The following TBC1D9 variants were observed in gnomAD, a reference collection of about 807,000 sequenced individuals.
TBC1D9 encodes TBC1 domain family member 9, also known as TBC1 domain family member 9A.
Under a neutral mutation model 132.0 loss-of-function variants are expected in TBC1D9, and 63 were observed. That is an observed-to-expected ratio of 0.48 (90% CI 0.39 to 0.59). The LOEUF is 0.59. TBC1D9 is among the 20% of genes least tolerant of loss of function. TBC1D9 has a pLI of 0.00. For synonymous variants in TBC1D9, 610 were observed against 609.9 expected (o/e 1.00, Z 0.00); for missense variants, 1,261 against 1,592.7 (o/e 0.79, Z 3.54).
intron 1 of TBC1D9, among the ~76,000 whole-genome samples, chr4:140,730,404 C>A (rs1044544923): frequency 6.6e-6 from 1 of 152,122 alleles, no homozygotes; most frequent in African/African-American, 2.4e-5. Flanking sequence ...ATGGATCTGA[C>A]GGCACTGTCT....
At chr4:140,716,532 T>A (rs1453571023) in intron 1 of TBC1D9, among the ~76,000 whole-genome samples, 1 of 152,036 alleles carries the variant, frequency 6.6e-6, no homozygotes, top group African/African-American at 2.4e-5. Flanking sequence ...GAAGAAATCA[T>A]CATTGGCAAT....
intron 2 of TBC1D9, among the ~76,000 whole-genome samples, chr4:140,688,969 CAG>C (rs1288727387): frequency 1.3e-5 from 2 of 152,114 alleles, no homozygotes; most frequent in Admixed American, 6.6e-5. Flanking sequence ...GCGGCAGACA[CAG>C]AGAGAGCCCT....
chr4:140,666,264 G>A (rs1737442316), intron 9 of TBC1D9, among the ~76,000 whole-genome samples: 1 of 152,160 alleles, frequency 6.6e-6, no homozygotes, highest in African/African-American at 2.4e-5. Context: ...AAAGTAGTCT[G>A]GTGGTTGCCT....
At chr4:140,647,607 G>A (rs761980529) in intron 13 of TBC1D9, among the ~76,000 whole-genome samples, 42 of 152,178 alleles carry the variant, frequency 2.8e-4, no homozygotes, top group Non-Finnish European at 8.8e-5. Flanking sequence ...CATTGGCTTT[G>A]TAATCTTTTG....
At chr4:140,721,282 C>T (rs1218767962) in intron 1 of TBC1D9, among the ~76,000 whole-genome samples, 2 of 152,190 alleles carry the variant, frequency 1.3e-5, no homozygotes, top group Admixed American at 6.5e-5. Context: ...AATCAAATAT[C>T]ATCAGTAATA....
chr4:140,685,729 T>C (rs1189866459), intron 3 of TBC1D9, among the ~76,000 whole-genome samples: 1 of 152,200 alleles, frequency 6.6e-6, no homozygotes, highest in African/African-American at 2.4e-5. Flanking sequence ...AAATGTAGTG[T>C]TGTTATTTAA....
At chr4:140,721,826 C>T (rs2111058822) in intron 1 of TBC1D9, among the ~76,000 whole-genome samples, 1 of 152,306 alleles carries the variant, frequency 6.6e-6, no homozygotes, top group African/African-American at 2.4e-5. Context: ...TCTCCTGTGA[C>T]TGAATGCCCG....
At chr4:140,724,110 C>A (rs1738463252) in intron 1 of TBC1D9, among the ~76,000 whole-genome samples, 2 of 152,146 alleles carry the variant, frequency 1.3e-5, no homozygotes, top group Admixed American at 1.3e-4. Context: ...ATTTGAGATA[C>A]TAAATGTCAT....
chr4:140,674,827 T>C (rs924798756), intron 6 of TBC1D9, among the ~76,000 whole-genome samples: 4 of 152,018 alleles, frequency 2.6e-5, no homozygotes, highest in African/African-American at 7.2e-5. Context: ...GCCTCCCAAG[T>C]AGCTAGGACT....
rs914393187 is a variant in TBC1D9, at chr4:140,669,676, G to A, written c.1395C>T (p.Thr465=). The A allele has an allele frequency of 6.2e-7, 1 of 1,613,724 alleles. No homozygotes were observed. Among genetic ancestry groups the A allele is most frequent in the Non-Finnish European group, 8.5e-7 (1 of 1,179,666 alleles). Residue 465 remains threonine (T), a synonymous_variant, in exon 8 of 21, where the codon ACC becomes ACT. Coordinates refer to ENST00000442267, the MANE Select transcript of TBC1D9 (RefSeq NM_015130.3). ...CCTCGGGAGACCGCCGCCGATACAT[G>A]GTCATCAGGGTCTGTGTGGCTGTGG... ...SVPTATQTLM[T]MYRRRSPEEF...
At chr4:140,686,763 G>A (rs1737788275) in intron 2 of TBC1D9, among the ~76,000 whole-genome samples, 2 of 152,108 alleles carry the variant, frequency 1.3e-5, no homozygotes, top group Admixed American at 1.3e-4. Flanking sequence ...TCACTTTTCT[G>A]GACTAGAGTT....
Position 140,744,133 on chromosome 4 carries a change from G to T in TBC1D9, c.130+11783C>A, listed in dbSNP as rs184881801. Among the ~76,000 whole-genome samples, 243 of 152,166 alleles carry T rather than the reference G, an allele frequency of 1.6e-3. 2 individuals carry two copies. Among genetic ancestry groups the T allele is most frequent in the Admixed American group, 0.013 (200 of 15,282 alleles). Reference sequence around the variant, plus strand: ...ATAATAATGGGATGGAGGTGGGGGGGATTCATGGGACAAGCAAGCAAAATC... The same window carrying T: ...ATAATAATGGGATGGAGGTGGGGGGTATTCATGGGACAAGCAAGCAAAATC... On this transcript the variant is annotated intron_variant, in intron 1 of 20. Coordinates refer to ENST00000442267, the MANE Select transcript of TBC1D9 (RefSeq NM_015130.3).
At chr4:140,640,579 G>T (rs1578818714) in intron 13 of TBC1D9, among the ~76,000 whole-genome samples, 1 of 152,222 alleles carries the variant, frequency 6.6e-6, no homozygotes, top group South Asian at 2.1e-4. Context: ...GCAGCTATCT[G>T]TCTAGGAACA....
At chr4:140,642,403 T>A in intron 13 of TBC1D9, 1 of 865,512 alleles carries the variant, frequency 1.2e-6, no homozygotes, top group African/African-American at 1.7e-5. Flanking sequence ...CCGGAGGCCC[T>A]TGGCCAGCAC....
At chr4:140,648,383 T>C (rs758441725) in intron 13 of TBC1D9, among the ~76,000 whole-genome samples, 150 of 148,324 alleles carry the variant, frequency 1.0e-3, no homozygotes, top group Non-Finnish European at 1.5e-3. Context: ...AGTTTTGTTG[T>C]TGTTTTTTTT....
intron 3 of TBC1D9, among the ~76,000 whole-genome samples, chr4:140,684,827 T>C (rs567889525): frequency 1.5e-3 from 225 of 150,582 alleles, no homozygotes; most frequent in Middle Eastern, 6.9e-3. Flanking sequence ...TGAAACTCTG[T>C]CTCAATAAAT....
At chr4:140,671,702 G>GTGTGTGTGTGTGTGTGTA (rs1737538949) in intron 6 of TBC1D9, among the ~76,000 whole-genome samples, 1 of 151,650 alleles carries the variant, frequency 6.6e-6, no homozygotes, top group African/African-American at 2.4e-5. Context: ...GTGTGTGTGT[G>GTGTGTGTGTGTGTGTGTA]TGTGTGTGTG....
rs547795771 is a variant in TBC1D9, at chr4:140,701,095, C to T, written c.241+409G>A. 3.9e-5 allele frequency among the ~76,000 whole-genome samples: 6 copies of T among 152,356 alleles called. No individual in the cohort carries two copies. In the South Asian group the frequency reaches 1.2e-3, roughly 32 times the overall value. On this transcript the variant is annotated intron_variant, in intron 2 of 20. Coordinates refer to ENST00000442267, the MANE Select transcript of TBC1D9 (RefSeq NM_015130.3). ...CCACACAACTCTCTTCATTTCCCAG[C>T]TTCCTCTGCAGTGAGGTTGGGCCCA...
intron 1 of TBC1D9, among the ~76,000 whole-genome samples, chr4:140,722,806 C>A (rs1348816925): frequency 1.3e-5 from 2 of 152,146 alleles, no homozygotes; most frequent in African/African-American, 2.4e-5. Context: ...ACTCTCACCC[C>A]CTCCTGGACA....
Sources: gnomAD v4.1 joint callset for allele counts (sites outside exome capture counted in the v4.1 genomes callset) on GRCh38, gnomAD v4.1.1 for gene constraint, MANE v1.5 for transcripts, NCBI Gene and HGNC (gene_info 2026-07-23, HGNC 2026-07-21) for gene names.